CMIP: variants seen among roughly 807,000 people sequenced by gnomAD.
CMIP encodes the protein c-Maf inducing protein.
A neutral mutation model predicts 97.3 loss-of-function variants in CMIP; 13 were observed. That is an observed-to-expected ratio of 0.13 (90% confidence interval 0.09 to 0.21). CMIP has a LOEUF of 0.21. CMIP is among the 10% of genes least tolerant of loss of function. The probability of loss-of-function intolerance (pLI) is 1.00; values close to 1 mark genes in which losing one functional copy is unlikely to be tolerated. For synonymous variants in CMIP, 538 were observed against 436.3 expected (o/e 1.23, Z -2.91); for missense variants, 847 against 1,024.9 (o/e 0.83, Z 2.37).
intron 7 of CMIP, among the ~76,000 whole-genome samples, chr16:81,668,017 C>G (rs946600544): frequency 6.6e-6 from 1 of 152,110 alleles, no homozygotes; most frequent in African/African-American, 2.4e-5. Context: ...TAGAAACTCT[C>G]TCCTGGGAGC....
chr16:81,500,307 C>G (rs2089579303), intron 1 of CMIP, among the ~76,000 whole-genome samples: 1 of 119,908 alleles, frequency 8.3e-6, no homozygotes, highest in South Asian at 3.0e-4. Context: ...TCCTTCCTGC[C>G]TCCCTCCCTC....
At chr16:81,560,033 A>T (rs1440485120) in intron 1 of CMIP, among the ~76,000 whole-genome samples, 1 of 151,600 alleles carries the variant, frequency 6.6e-6, no homozygotes, top group Non-Finnish European at 1.5e-5. Flanking sequence ...CTGTAATCCC[A>T]GCTACTCAGG....
In CMIP at chr16:81,703,933, C is replaced by A; in HGVS notation, c.1945-6C>A. 6.3e-7 allele frequency: 1 copy of A among 1,591,848 alleles called. No homozygotes were observed. ...ACCCTCAGGCCTCTCCCCCGTCTGC[C>A]CGCAGGACGCTGACTTGGCTCGTTT... On this transcript the variant is annotated splice_polypyrimidine_tract_variant and splice_region_variant and intron_variant, in intron 17 of 20. Transcript: ENST00000537098.
chr16:81,684,829 C>T (rs1011825178), intron 10 of CMIP, among the ~76,000 whole-genome samples: 5 of 152,184 alleles, frequency 3.3e-5, no homozygotes, highest in Non-Finnish European at 7.4e-5. Context: ...TTTTCTCCTT[C>T]CTAGGTGGGC....
intron 1 of CMIP, among the ~76,000 whole-genome samples, chr16:81,574,526 A>ACTGT (rs2091155238): frequency 6.6e-6 from 1 of 152,280 alleles, no homozygotes; most frequent in African/African-American, 2.4e-5. Context: ...AAAAGCTGGA[A>ACTGT]GGCTGTTGGA....
chr16:81,692,129 A>G (rs1015024317), intron 11 of CMIP, among the ~76,000 whole-genome samples: 2 of 152,166 alleles, frequency 1.3e-5, no homozygotes, highest in African/African-American at 4.8e-5. Flanking sequence ...AGCCCTCCCC[A>G]TGGCTCCTGG....
chr16:81,637,920 A>G (rs2092256971), intron 3 of CMIP, among the ~76,000 whole-genome samples: 1 of 152,056 alleles, frequency 6.6e-6, no homozygotes, highest in Admixed American at 6.5e-5. Context: ...CTCACATGGG[A>G]AGGGGTGAGG....
chr16:81,524,717 C>T (rs1209773415), intron 1 of CMIP, among the ~76,000 whole-genome samples: 1 of 152,232 alleles, frequency 6.6e-6, no homozygotes, highest in Non-Finnish European at 1.5e-5. Context: ...AGCTGTCAGT[C>T]ACAAGTGAGG....
chr16:81,495,376 G>C (rs573415317), intron 1 of CMIP: 2 of 1,528,668 alleles, frequency 1.3e-6, no homozygotes, highest in East Asian at 2.4e-5. Flanking sequence ...GGGCGTGCAT[G>C]GCATAACCGT....
intron 1 of CMIP, among the ~76,000 whole-genome samples, chr16:81,537,945 G>A (rs1236586205): frequency 6.6e-6 from 1 of 152,218 alleles, no homozygotes; most frequent in Non-Finnish European, 1.5e-5. Context: ...AGTCTTGGCC[G>A]TCAGGCCGAG....
chr16:81,530,729 G>A (rs2090217290), intron 1 of CMIP, among the ~76,000 whole-genome samples: 1 of 152,160 alleles, frequency 6.6e-6, no homozygotes, highest in Non-Finnish European at 1.5e-5. Flanking sequence ...AAATGTCACC[G>A]AGTGTCAGAG....
chr16:81,650,387 A>G (rs1319664616), intron 3 of CMIP, among the ~76,000 whole-genome samples: 2 of 152,218 alleles, frequency 1.3e-5, no homozygotes, highest in Non-Finnish European at 2.9e-5. Flanking sequence ...GGAGGAAAGA[A>G]AGGTGGGCAG....
chr16:81,516,269 A>G (rs2089911296), intron 1 of CMIP, among the ~76,000 whole-genome samples: 1 of 150,044 alleles, frequency 6.7e-6, no homozygotes, highest in Non-Finnish European at 1.5e-5. Flanking sequence ...CCATTTTCTC[A>G]CTCTTGATTC....
rs537579336 is a variant in CMIP, at chr16:81,549,222, C to T, written c.301-58345C>T. ...GGGAGCCGGTCAACCTGCAGGAGCA[C>T]CTGGGTGACCAGCCTGAGGGTTGAT... On this transcript the variant is annotated intron_variant, in intron 1 of 20. Transcript: ENST00000537098. Among the ~76,000 whole-genome samples, 28 of 152,328 alleles carry T rather than the reference C, an allele frequency of 1.8e-4. 1 individual carries two copies. In the South Asian group the frequency reaches 5.4e-3, roughly 29 times the overall value.
chr16:81,610,272 C>T (rs933413165), intron 2 of CMIP: 22 of 979,052 alleles, frequency 2.2e-5, no homozygotes, highest in Non-Finnish European at 2.4e-5. Context: ...GCCTGGCCGC[C>T]GTGTCTGGCA....
intron 10 of CMIP, among the ~76,000 whole-genome samples, chr16:81,681,947 G>A (rs567217453): frequency 3.3e-5 from 5 of 151,846 alleles, no homozygotes; most frequent in African/African-American, 9.7e-5. Flanking sequence ...GGTGGCTCAC[G>A]CCTGTAATCC....
chr16:81,548,130 C>CTTT (rs11351275), intron 1 of CMIP, among the ~76,000 whole-genome samples: 48 of 111,740 alleles, frequency 4.3e-4, no homozygotes, highest in African/African-American at 8.8e-4. Flanking sequence ...GGATGGATCA[C>CTTT]TTTTTTTTTT....
intron 1 of CMIP, among the ~76,000 whole-genome samples, chr16:81,529,686 GA>G (rs956413745): frequency 6.6e-6 from 1 of 152,208 alleles, no homozygotes; most frequent in African/African-American, 2.4e-5. Context: ...GGAGGTGGGA[GA>G]GTCTGAGTCT....
At position 81,652,779 on chromosome 16, in the gene CMIP, C is replaced by G. The variant is rs2092442741; in HGVS notation, c.639+415C>G. 6.6e-6 allele frequency among the ~76,000 whole-genome samples: 1 copy of G among 152,186 alleles called. No individual in the cohort carries two copies. The highest frequency in any genetic ancestry group is 2.4e-5 in the African/African-American group (1 of 41,444). On this transcript the variant is annotated intron_variant, in intron 4 of 20. Coordinates refer to ENST00000537098, the MANE Select transcript of CMIP (RefSeq NM_198390.3). The surrounding 1 kb of genome is among the most constrained non-coding windows in gnomAD (Gnocchi z 5.2). ...TTAAAAATCAGGAGATTTCACAGTACAGTGGGAATTTCCAGGTTCTCTTTA... is the reference window on the plus strand; with the variant it reads ...TTAAAAATCAGGAGATTTCACAGTAGAGTGGGAATTTCCAGGTTCTCTTTA...
Sources: allele counts gnomAD v4.1 joint callset (sites outside exome capture counted in the v4.1 genomes callset), GRCh38; gene constraint gnomAD v4.1.1; non-coding constraint Gnocchi (gnomAD v3.1); transcripts MANE v1.5; gene names NCBI Gene and HGNC (gene_info 2026-07-23, HGNC 2026-07-21).